The following ASTN1 variants were observed in gnomAD, a reference collection of about 807,000 sequenced individuals.
ASTN1 encodes astrotactin 1.
In ASTN1, 41 loss-of-function variants were observed where a neutral mutation model predicts 140.7. The observed-to-expected ratio is 0.29, with a 90% CI of 0.23 to 0.38. ASTN1 has a LOEUF of 0.38. Among genes scored for constraint, ASTN1 ranks in the 10% least tolerant of loss-of-function variants. The pLI, the probability that ASTN1 is intolerant of heterozygous loss-of-function variation, is 1.00. For missense variants in ASTN1, 1,479 were observed against 1,678.8 expected, an observed-to-expected ratio of 0.88 and a Z score of 2.08; for synonymous variants, 640 against 652.2, an observed-to-expected ratio of 0.98 and a Z score of 0.29.
At chr1:176,998,385 T>C (rs1436487436) in intron 8 of ASTN1, among the ~76,000 whole-genome samples, 1 of 152,168 alleles carries the variant, frequency 6.6e-6, no homozygotes, top group Non-Finnish European at 1.5e-5. Context: ...GGTATATTCA[T>C]CTCCCTCCCG....
intron 1 of ASTN1, among the ~76,000 whole-genome samples, chr1:177,140,767 G>C (rs1246327548): frequency 2.0e-5 from 3 of 152,204 alleles, no homozygotes; most frequent in Non-Finnish European, 4.4e-5. Flanking sequence ...AGTGCTATTA[G>C]AGCTGAGACT....
chr1:177,149,393 G>C (rs1362943886), intron 1 of ASTN1, among the ~76,000 whole-genome samples: 10 of 61,784 alleles, frequency 1.6e-4, no homozygotes, highest in Non-Finnish European at 2.2e-4. Flanking sequence ...AATATATATA[G>C]TATATATATA....
chr1:177,041,016 T>C (rs1206957222), intron 2 of ASTN1, among the ~76,000 whole-genome samples: 2 of 152,232 alleles, frequency 1.3e-5, no homozygotes, highest in Non-Finnish European at 2.9e-5. Flanking sequence ...GTCTGTGAGC[T>C]GCTTAGAGAT....
chr1:177,044,240 C>T (rs1322931792), intron 2 of ASTN1, among the ~76,000 whole-genome samples: 1 of 152,000 alleles, frequency 6.6e-6, no homozygotes, highest in Non-Finnish European at 1.5e-5. Flanking sequence ...TACCTCCTCT[C>T]TCCCTGGCAT....
rs752050989 is a variant in ASTN1 at position 176,884,432 on chromosome 1, G to T, written c.3133C>A (p.His1045Asn). 1 of 1,614,116 alleles carries T rather than the reference G, an allele frequency of 6.2e-7. No individual in the cohort carries two copies. The highest frequency in any genetic ancestry group is 8.5e-7 in the Non-Finnish European group (1 of 1,179,992). Reference sequence around the variant, plus strand: ...TGCACCCCGATTGGTGGCTCTGAGTGTTCCCACTCCAGGACCACAAGAGTG... The same window carrying T: ...TGCACCCCGATTGGTGGCTCTGAGTTTTCCCACTCCAGGACCACAAGAGTG... Reference protein sequence around the residue: ...SSTLVVLEWEHSEPPIGVQIV... With the variant: ...SSTLVVLEWENSEPPIGVQIV... Residue 1045 changes from histidine (H) to asparagine (N), a missense_variant, in exon 19 of 23, where the codon CAC (histidine) becomes AAC (asparagine). Physicochemically the swap from His to Asn is moderately conservative, Grantham distance 68. This residue lies in a region of ASTN1 where 746 missense variants were observed against 800.9 expected (regional missense o/e 0.93). Transcript: ENST00000361833.
At chr1:177,058,980 A>T (rs1337230584) in intron 2 of ASTN1, among the ~76,000 whole-genome samples, 7 of 152,148 alleles carry the variant, frequency 4.6e-5, no homozygotes, top group Admixed American at 4.6e-4. Flanking sequence ...AGATTCTCGC[A>T]CTATGCCCCC....
intron 1 of ASTN1, among the ~76,000 whole-genome samples, chr1:177,111,240 A>C (rs1210861933): frequency 6.6e-6 from 1 of 152,200 alleles, no homozygotes; most frequent in Non-Finnish European, 1.5e-5. Context: ...GAGAAGTTAG[A>C]ATTTTTTTTT....
chr1:177,106,887 T>A (rs1394286356), intron 1 of ASTN1, among the ~76,000 whole-genome samples: 1 of 152,120 alleles, frequency 6.6e-6, no homozygotes, highest in African/African-American at 2.4e-5. Context: ...CAGCAGGAAA[T>A]CATATACAGA....
chr1:176,973,330 CACATTA>C (rs1304172632), intron 8 of ASTN1, among the ~76,000 whole-genome samples: 1 of 152,160 alleles, frequency 6.6e-6, no homozygotes, highest in African/African-American at 2.4e-5. Flanking sequence ...CTTCTTTCTT[CACATTA>C]AATTATGTCA....
At chr1:176,902,481 CAAAT>C (rs1480170888) in intron 16 of ASTN1, among the ~76,000 whole-genome samples, 1 of 152,140 alleles carries the variant, frequency 6.6e-6, no homozygotes, top group Non-Finnish European at 1.5e-5. Context: ...TGTTGTCAAA[CAAAT>C]AACGGTCTGG....
chr1:176,886,412 C>T (rs920867896), intron 18 of ASTN1, among the ~76,000 whole-genome samples: 1 of 152,190 alleles, frequency 6.6e-6, no homozygotes, highest in Non-Finnish European at 1.5e-5. Flanking sequence ...AGGTAGCTCT[C>T]TTACCTGGTG....
intron 17 of ASTN1, among the ~76,000 whole-genome samples, chr1:176,889,276 T>C (rs1321333251): frequency 6.6e-6 from 1 of 152,212 alleles, no homozygotes; most frequent in African/African-American, 2.4e-5. Context: ...AGGGTGGGAC[T>C]GGCTGCAGGG....
chr1:177,139,390 TCTA>T (rs1453804948), intron 1 of ASTN1, among the ~76,000 whole-genome samples: 2 of 152,174 alleles, frequency 1.3e-5, no homozygotes, highest in Non-Finnish European at 2.9e-5. Context: ...TTGCAGAAAA[TCTA>T]CTATTTCAAG....
At chr1:177,027,260 TAGCCCTTGGTGCTATAAGGTGTGATAAG>T (rs1156859761) in intron 5 of ASTN1, among the ~76,000 whole-genome samples, 4 of 152,168 alleles carry the variant, frequency 2.6e-5, no homozygotes, top group Non-Finnish European at 5.9e-5. Flanking sequence ...CTTGGTGTTC[TAGCCCTTGGTGCTATAAGGTGTGATAAG>T]AGCTGTTAGA....
intron 8 of ASTN1, among the ~76,000 whole-genome samples, chr1:177,012,584 A>C (rs954494594): frequency 1.3e-5 from 2 of 152,206 alleles, no homozygotes; most frequent in East Asian, 1.9e-4. Flanking sequence ...TCTATAACTC[A>C]CTGCTTTAGC....
downstream of ASTN1, among the ~76,000 whole-genome samples, chr1:176,858,870 T>C (rs1045046190): frequency 5.3e-5 from 8 of 152,210 alleles, no homozygotes; most frequent in Non-Finnish European, 1.0e-4. Context: ...GATGGCAGTA[T>C]AGTGTAAGGG....
At chr1:176,901,231 T>C (rs1669752348) in intron 16 of ASTN1, among the ~76,000 whole-genome samples, 1 of 152,212 alleles carries the variant, frequency 6.6e-6, no homozygotes, top group Non-Finnish European at 1.5e-5. Context: ...GGGGAAAGAC[T>C]GCAAAAAGTT....
chr1:176,864,456 T>C lies in ASTN1; in HGVS notation c.3713A>G (p.Glu1238Gly). 6.2e-7 allele frequency: 1 copy of C among 1,614,136 alleles called. No homozygotes were observed. The highest frequency in any genetic ancestry group is 1.1e-5 in the South Asian group (1 of 91,082). Residue 1238 changes from glutamate to glycine, a missense_variant, in exon 23 of 23, where the codon GAA (glutamate) becomes GGA (glycine). Around this residue, in one of 3 missense-constraint regions of ASTN1, gnomAD observed 746 missense variants for 800.9 expected, o/e 0.93. Coordinates refer to ENST00000361833, the MANE Select transcript of ASTN1 (RefSeq NM_004319.3). ...LSSWCNGLLQ[E>G]PKISLRRSSL... ...GCTGCGCCGCAAGCTTATCTTGGGT[T>C]CCTGAAGGAGTCCATTGCACCAACT... is the stretch of plus-strand genomic sequence containing the variant.
chr1:177,046,332 A>C (rs146253901), intron 2 of ASTN1, among the ~76,000 whole-genome samples: 1 of 152,354 alleles, frequency 6.6e-6, no homozygotes, highest in African/African-American at 2.4e-5. Flanking sequence ...AAAGAAAACC[A>C]GTCACAATTT....
Sources: allele counts gnomAD v4.1 joint callset (sites outside exome capture counted in the v4.1 genomes callset), GRCh38; gene constraint gnomAD v4.1.1; regional missense constraint gnomAD v4.1.1; transcripts MANE v1.5; gene names NCBI Gene and HGNC (gene_info 2026-07-23, HGNC 2026-07-21).